PKHD1: variants seen among roughly 807,000 people sequenced by gnomAD.
PKHD1 encodes fibrocystin.
In PKHD1, 291 loss-of-function variants were observed where a neutral mutation model predicts 412.0. The observed-to-expected ratio is 0.71, with a 90% CI of 0.64 to 0.78. The LOEUF (loss-of-function observed/expected upper bound fraction) is 0.78. PKHD1 is among the 30% of genes least tolerant of loss of function. The pLI, the probability that PKHD1 is intolerant of heterozygous loss-of-function variation, is 0.00. For missense variants in PKHD1, 4,825 were observed against 4,950.7 expected (o/e 0.97, Z 0.76); for synonymous variants, 1,777 against 1,821.5 (o/e 0.98, Z 0.62).
chr6:52,060,490 T>A (rs1044665950), intron 14 of PKHD1, among the ~76,000 whole-genome samples: 4 of 152,234 alleles, frequency 2.6e-5, no homozygotes, highest in African/African-American at 9.6e-5. Context: ...ATTAAAAATA[T>A]TATGATCCAC....
intron 52 of PKHD1, among the ~76,000 whole-genome samples, chr6:51,794,494 C>A (rs1374974977): frequency 6.6e-6 from 1 of 152,070 alleles, no homozygotes; most frequent in African/African-American, 2.4e-5. Flanking sequence ...ATGATAGTTT[C>A]TTTTGCTGTG....
In PKHD1 at chr6:52,025,128, C is replaced by T. The variant is rs150032027; in HGVS notation, c.4682G>A (p.Cys1561Tyr). ...GAAGTGTCTGGAAACATTACCAGAA[C>T]AAGCATACCCATTTCTTGTATAAAA... ...SVFYTRNGYA[C>Y]SGNVSRHFYI... Residue 1561 changes from cysteine to tyrosine, a missense_variant, in exon 32 of 67, where the codon TGT (cysteine) becomes TAT (tyrosine). Cys to Tyr is a radical substitution (Grantham distance 194, BLOSUM62 -2). Transcript: ENST00000371117. 3.1e-6 allele frequency: 5 copies of T among 1,614,142 alleles called. No individual in the cohort carries two copies. In the East Asian group the frequency reaches 8.9e-5, roughly 29 times the overall value.
chr6:51,801,654 T>TGTGTGTGTGTGTGTGTGTGAGA (rs751203950), intron 52 of PKHD1, among the ~76,000 whole-genome samples: 3,449 of 114,034 alleles, frequency 0.03, 94 homozygotes, highest in Middle Eastern at 0.11. Context: ...TGTGTGTGTG[T>TGTGTGTGTGTGTGTGTGTGAGA]GAGAGAGAGA....
At chr6:51,828,377 T>C (rs1767685239) in intron 52 of PKHD1, among the ~76,000 whole-genome samples, 1 of 151,160 alleles carries the variant, frequency 6.6e-6, no homozygotes, top group Non-Finnish European at 1.5e-5. Flanking sequence ...GTGAGAATTA[T>C]ATGAAAAAAA....
chr6:51,937,053 G>A (rs1415113620), intron 36 of PKHD1, among the ~76,000 whole-genome samples: 1 of 152,134 alleles, frequency 6.6e-6, no homozygotes, highest in Non-Finnish European at 1.5e-5. Context: ...TATTCTCTCT[G>A]AAGCCTGCTA....
chr6:51,972,130 T>C (rs1295179243), intron 35 of PKHD1, among the ~76,000 whole-genome samples: 2 of 152,144 alleles, frequency 1.3e-5, no homozygotes, highest in African/African-American at 4.8e-5. Context: ...TCCACTAGCA[T>C]TGCTTCCTGA....
At chr6:51,747,756 G>A (rs1373094524) in intron 58 of PKHD1, 31 bp downstream of exon 58, 2 of 1,585,564 alleles carry the variant, frequency 1.3e-6, no homozygotes. Flanking sequence ...TGTATGAAAT[G>A]GCACTGCCTA....
At chr6:51,669,433 C>T (rs1310466325) in intron 60 of PKHD1, among the ~76,000 whole-genome samples, 3 of 150,874 alleles carry the variant, frequency 2.0e-5, no homozygotes, top group Non-Finnish European at 4.5e-5. Context: ...TGATTCTTCT[C>T]TCTTTTTTTC....
intron 53 of PKHD1, among the ~76,000 whole-genome samples, chr6:51,782,490 G>T (rs1792188520): frequency 6.6e-6 from 1 of 152,094 alleles, no homozygotes; most frequent in Non-Finnish European, 1.5e-5. Flanking sequence ...TTTTGCTCCT[G>T]GTTAAATGGA....
chr6:51,850,361 G>A (rs1260748064), intron 49 of PKHD1, among the ~76,000 whole-genome samples: 2 of 152,162 alleles, frequency 1.3e-5, no homozygotes, highest in Middle Eastern at 3.2e-3. Context: ...GCTTAGGATT[G>A]TCTTGGCTAT....
intron 52 of PKHD1, among the ~76,000 whole-genome samples, chr6:51,800,221 T>G (rs1164884410): frequency 6.6e-6 from 1 of 152,210 alleles, no homozygotes; most frequent in Non-Finnish European, 1.5e-5. Flanking sequence ...AACACCACCA[T>G]CTTTATCCTA....
At chr6:52,028,115 C>A (rs750816592) in intron 30 of PKHD1, 41 bp downstream of exon 30, 8 of 1,571,054 alleles carry the variant, frequency 5.1e-6, no homozygotes, top group Non-Finnish European at 3.5e-6. Flanking sequence ...GAATGCTAGA[C>A]CATCAAACAA....
intron 60 of PKHD1, among the ~76,000 whole-genome samples, chr6:51,691,642 T>A (rs1245915875): frequency 3.9e-5 from 6 of 152,058 alleles, no homozygotes; most frequent in South Asian, 2.1e-4. Flanking sequence ...ACAACAGACA[T>A]TGGGGCCTTT....
intron 35 of PKHD1, among the ~76,000 whole-genome samples, chr6:51,988,642 T>C (rs900614680): frequency 6.6e-6 from 1 of 152,222 alleles, no homozygotes; most frequent in East Asian, 1.9e-4. Flanking sequence ...ATAAAAGATC[T>C]AAGAGTTGAA....
intron 46 of PKHD1, among the ~76,000 whole-genome samples, chr6:51,881,075 CTTTT>C (rs371470393): frequency 4.7e-4 from 63 of 134,032 alleles, no homozygotes; most frequent in African/African-American, 1.6e-3. Flanking sequence ...CTTTTTCTTT[CTTTT>C]TTTTTTTTTT....
At chr6:51,661,030 A>C (rs1470620754) in intron 60 of PKHD1, among the ~76,000 whole-genome samples, 1 of 151,826 alleles carries the variant, frequency 6.6e-6, no homozygotes, top group African/African-American at 2.4e-5. Flanking sequence ...TTGAGGCATT[A>C]GCTCATTAGA....
At chr6:52,069,087 T>C (rs889340727) in intron 11 of PKHD1, among the ~76,000 whole-genome samples, 3 of 152,216 alleles carry the variant, frequency 2.0e-5, no homozygotes, top group African/African-American at 4.8e-5. Flanking sequence ...ATATTAGTCA[T>C]AAATTATTGA....
intron 52 of PKHD1, among the ~76,000 whole-genome samples, chr6:51,821,475 A>G (rs1353540829): frequency 6.6e-6 from 1 of 152,250 alleles, no homozygotes. Context: ...ATTAAAACCT[A>G]TGGATGCCAC....
chr6:51,836,746 T>C (rs1046886791), intron 50 of PKHD1, among the ~76,000 whole-genome samples: 3 of 152,224 alleles, frequency 2.0e-5, no homozygotes, highest in African/African-American at 4.8e-5. Context: ...TTTAGCCATA[T>C]GTTCTAAGGA....
Sources: allele counts gnomAD v4.1 joint callset (sites outside exome capture counted in the v4.1 genomes callset), GRCh38; gene constraint gnomAD v4.1.1; transcripts MANE v1.5; gene names NCBI Gene and HGNC (gene_info 2026-07-23, HGNC 2026-07-21).